The following COQ4 variants were observed in gnomAD, a reference collection of about 807,000 sequenced individuals.
The protein encoded by COQ4 is coenzyme Q4.
COQ4 carries 36 observed loss-of-function variants against 30.2 expected under a neutral mutation model. The observed-to-expected ratio is 1.19, with a 90% confidence interval of 0.91 to 1.57. The LOEUF (loss-of-function observed/expected upper bound fraction) is 1.57. Among genes scored for constraint, COQ4 ranks in the 40% most tolerant of loss-of-function variants. The pLI is 0.00. For synonymous variants in COQ4, 197 were observed against 161.0 expected (o/e 1.22, Z -1.69); for missense variants, 369 against 371.9 (o/e 0.99, Z 0.07).
intron 5 of COQ4, 156 bp downstream of exon 5, chr9:128,332,438 C>T: frequency 1.3e-6 from 1 of 778,124 alleles, no homozygotes; most frequent in Non-Finnish European, 2.1e-6. Flanking sequence ...ACATGTCCCC[C>T]TTCTTTCTCC....
At chr9:128,324,038 CAG>C (rs1372285223) in intron 2 of COQ4, among the ~76,000 whole-genome samples, 7 of 152,166 alleles carry the variant, frequency 4.6e-5, no homozygotes, top group African/African-American at 1.7e-4. Context: ...CGCTGGAGTG[CAG>C]TGGCGCAATC....
At chr9:128,325,902 T>C (rs368669078) in intron 4 of COQ4, 21 bp downstream of exon 4, 4 of 1,595,022 alleles carry the variant, frequency 2.5e-6, no homozygotes, top group Non-Finnish European at 3.4e-6. Flanking sequence ...AGCTCCTGTG[T>C]ATCTGGCAGT....
At chr9:128,332,055 T>G (rs2131234312) in intron 4 of COQ4, 98 bp from the exon 5 acceptor site, 664 of 1,371,846 alleles carry the variant, frequency 4.8e-4, no homozygotes, top group Non-Finnish European at 5.9e-4. Flanking sequence ...CTAGTAGGTA[T>G]GAGTTAGGTG....
Position 128,333,466 on chromosome 9 carries a change from C to T in COQ4, c.627-8C>T. The T allele has an allele frequency of 6.6e-7, 1 of 1,507,968 alleles. No homozygotes were observed. The allele number at this position is 1,507,968 out of a possible 1,614,324, so 93.4% of individuals were successfully genotyped here. A position where few individuals can be genotyped will look rare whatever the true frequency, so the allele number is the denominator to read the frequency against. On this transcript the variant is annotated splice_region_variant and splice_polypyrimidine_tract_variant and intron_variant, in intron 6 of 6. Coordinates refer to ENST00000300452, the MANE Select transcript of COQ4 (RefSeq NM_016035.5). ...TTGATGTTTTCTTTTTCCTCTGCTG[C>T]CCCACAGGAGCCTGCAAGTGCTGGT... is the stretch of plus-strand genomic sequence containing the variant.
At chr9:128,332,971 G>T in intron 6 of COQ4, 28 bp downstream of exon 6, 1 of 1,562,750 alleles carries the variant, frequency 6.4e-7, no homozygotes, top group Non-Finnish European at 8.8e-7. Flanking sequence ...AGCTGGGTCG[G>T]GGTTGAGGGT....
Position 128,323,080 on chromosome 9 carries a change from C to G in COQ4, c.135C>G (p.Ser45=). Residue 45 remains serine (S), a synonymous_variant, in exon 2 of 7, where the codon TCC becomes TCG. Transcript: ENST00000300452. ...GPLYSHHLPT[S]PLQKGLLAAG... is the part of the protein sequence containing the mutation. ...TATACTCGCACCACCTCCCCACCTC[C>G]CCGCTGCAGAAAGGGCTGTTGGCCG... is the stretch of plus-strand genomic sequence containing the variant. The G allele has an allele frequency of 6.2e-7, 1 of 1,612,200 alleles. No individual in the cohort carries two copies. Among genetic ancestry groups the G allele is most frequent in the Non-Finnish European group, 8.5e-7 (1 of 1,179,768 alleles).
In COQ4 at chr9:128,325,799, C is replaced by T. The variant is rs1241601615; in HGVS notation, c.320C>T (p.Thr107Ile). The T allele has an allele frequency of 1.2e-6, 2 of 1,614,126 alleles. No individual in the cohort carries two copies. Among genetic ancestry groups the T allele is most frequent in the South Asian group, 2.2e-5 (2 of 91,086 alleles). The part of the protein sequence containing the change: ...QILQERPRIS[T>I]STLDLGKLQS... ...TTCAGGGAGCGTCCCCGGATTTCGACATCCACCCTCGACCTGGGCAAGCTC... is the reference window on the plus strand; with the variant it reads ...TTCAGGGAGCGTCCCCGGATTTCGATATCCACCCTCGACCTGGGCAAGCTC... The change falls in exon 4 of 7, where the codon ACA (threonine) becomes ATA (isoleucine). Residue 107 changes from threonine (T) to isoleucine (I), a missense_variant. Coordinates refer to ENST00000300452, the MANE Select transcript of COQ4 (RefSeq NM_016035.5).
At chr9:128,323,617 C>T (rs936200256) in intron 2 of COQ4, 2 of 353,018 alleles carry the variant, frequency 5.7e-6, no homozygotes, top group South Asian at 1.4e-4. Flanking sequence ...TTTCTTATGC[C>T]TCCTAGATTT....
intron 5 of COQ4, 48 bp downstream of exon 5, chr9:128,332,330 G>C: frequency 6.2e-7 from 1 of 1,600,118 alleles, no homozygotes. Flanking sequence ...GTGGCTTCAG[G>C]GCCAGGGCAG....
At chr9:128,325,620 A>G (rs1347651385) in intron 3 of COQ4, among the ~76,000 whole-genome samples, 159 bp from the exon 4 acceptor site, 1 of 152,134 alleles carries the variant, frequency 6.6e-6, no homozygotes, top group Non-Finnish European at 1.5e-5. Context: ...GTAGTATCCT[A>G]AGTCCCTGAC....
rs1282286776 is a variant in COQ4 at position 128,332,925 on chromosome 9, C to T, written c.608C>T (p.Pro203Leu). Residue 203 changes from proline (P) to leucine (L), a missense_variant, in exon 6 of 7, where the codon CCG (proline) becomes CTG (leucine). Coordinates refer to ENST00000300452, the MANE Select transcript of COQ4 (RefSeq NM_016035.5). ...TGCATCCTGGGTGCATTCTTTGGACCGATCCGACTTGGCGCTCAGTAAGTT... is the reference window on the plus strand; with the variant it reads ...TGCATCCTGGGTGCATTCTTTGGACTGATCCGACTTGGCGCTCAGTAAGTT... ...PMCILGAFFG[P>L]IRLGAQSLQV... The T allele has an allele frequency of 9.3e-6, 15 of 1,613,844 alleles. No individual in the cohort carries two copies. The highest frequency in any genetic ancestry group is 1.3e-5 in the African/African-American group (1 of 74,906).
In COQ4 at chr9:128,325,805, C is replaced by T. The variant is rs753093771; in HGVS notation, c.326C>T (p.Thr109Ile). 6.8e-6 allele frequency: 11 copies of T among 1,614,208 alleles called. No homozygotes were observed. The South Asian group carries it at 1.1e-4, about 16-fold the overall frequency. ...GAGCGTCCCCGGATTTCGACATCCA[C>T]CCTCGACCTGGGCAAGCTCCAGAGC... is the stretch of plus-strand genomic sequence containing the variant. ...LQERPRISTS[T>I]LDLGKLQSLP... Residue 109 changes from threonine to isoleucine, a missense_variant, in exon 4 of 7, where the codon ACC becomes ATC. Coordinates refer to ENST00000300452, the MANE Select transcript of COQ4 (RefSeq NM_016035.5).
chr9:128,323,203 G>C, intron 2 of COQ4, 56 bp downstream of exon 2: 1 of 1,501,430 alleles, frequency 6.7e-7, no homozygotes, highest in Non-Finnish European at 8.8e-7. Context: ...TTTCCTGTGG[G>C]TAACTGGAAC....
At chr9:128,329,996 C>T (rs996338503) in intron 4 of COQ4, among the ~76,000 whole-genome samples, 1 of 152,082 alleles carries the variant, frequency 6.6e-6, no homozygotes, top group African/African-American at 2.4e-5. Flanking sequence ...GATCAGGCTA[C>T]TGGAGGTAAA....
intron 4 of COQ4, among the ~76,000 whole-genome samples, chr9:128,328,367 C>A (rs1832355104): frequency 6.6e-6 from 1 of 152,224 alleles, no homozygotes; most frequent in Admixed American, 6.5e-5. Context: ...ATCAAGGCAC[C>A]CCTGCCAAAT....
At chr9:128,329,242 C>T (rs1832368361) in intron 4 of COQ4, among the ~76,000 whole-genome samples, 1 of 152,156 alleles carries the variant, frequency 6.6e-6, no homozygotes, top group Non-Finnish European at 1.5e-5. Flanking sequence ...GGGCACTTAT[C>T]GGCCTTGGTA....
At chr9:128,323,191 C>G (rs760452588) in intron 2 of COQ4, 44 bp downstream of exon 2, 66 of 1,529,602 alleles carry the variant, frequency 4.3e-5, no homozygotes, top group Non-Finnish European at 5.6e-5. Context: ...GGCTTGGAGC[C>G]GTTTCCTGTG....
chr9:128,326,997 C>T (rs998733495), intron 4 of COQ4, among the ~76,000 whole-genome samples: 1 of 151,706 alleles, frequency 6.6e-6, no homozygotes, highest in Non-Finnish European at 1.5e-5. Flanking sequence ...ATCCACCTGC[C>T]TCAGCCTCCC....
intron 2 of COQ4, among the ~76,000 whole-genome samples, chr9:128,324,936 C>G (rs977825049): frequency 6.6e-6 from 1 of 152,156 alleles, no homozygotes; most frequent in South Asian, 2.1e-4. Context: ...GCTGTCCCGC[C>G]CCAGTAGATT....
Sources: allele counts gnomAD v4.1 joint callset (sites outside exome capture counted in the v4.1 genomes callset), GRCh38; gene constraint gnomAD v4.1.1; transcripts MANE v1.5; gene names NCBI Gene and HGNC (gene_info 2026-07-23, HGNC 2026-07-21).